Variants in DIP2C observed in about 807,000 individuals in gnomAD.
DIP2C encodes the protein disco-interacting protein 2 homolog C.
DIP2C carries 33 observed loss-of-function variants against 192.4 expected under a neutral mutation model. The observed-to-expected ratio is 0.17, with a 90% CI of 0.13 to 0.23. The LOEUF is 0.23. DIP2C is among the 10% of genes least tolerant of loss of function. The pLI, the probability that DIP2C is intolerant of heterozygous loss-of-function variation, is 1.00. For synonymous variants in DIP2C, 979 were observed against 864.1 expected, an observed-to-expected ratio of 1.13 and a Z score of -2.33; for missense variants, 1,537 against 2,110.1, an observed-to-expected ratio of 0.73 and a Z score of 5.32.
At chr10:600,070 G>A (rs1851956449) in intron 1 of DIP2C, among the ~76,000 whole-genome samples, 2 of 152,202 alleles carry the variant, frequency 1.3e-5, no homozygotes, top group Non-Finnish European at 2.9e-5. Flanking sequence ...GCTCCAGGCA[G>A]AGGGGAAAGA....
intron 17 of DIP2C, among the ~76,000 whole-genome samples, chr10:375,823 C>T (rs540219928): frequency 3.3e-5 from 5 of 152,226 alleles, no homozygotes; most frequent in South Asian, 4.2e-4. Flanking sequence ...GCTTCAGTGC[C>T]GCTCATCATT....
Position 689,551 on chromosome 10 carries a change from C to A in DIP2C, c.28G>T (p.Ala10Ser). The A allele has an allele frequency of 1.6e-6, 2 of 1,276,818 alleles. No homozygotes were observed. The highest frequency in any genetic ancestry group is 1.6e-5 in the South Asian group (1 of 61,236). 79.1% of individuals were successfully genotyped at this position (1,276,818 alleles called of 1,614,324 possible). A position where few individuals can be genotyped will look rare whatever the true frequency, so the allele number is the denominator to read the frequency against. Residue 10 changes from alanine (A) to serine (S), a missense_variant, in exon 1 of 37, where the codon GCG (alanine) becomes TCG (serine). Coordinates refer to ENST00000280886, the MANE Select transcript of DIP2C (RefSeq NM_014974.3). This position sits in a 1 kb window ranked among gnomAD's most constrained non-coding sequence, Gnocchi z 6.1. Reference protein sequence around the residue: MADRSLEGMALPLEVRARLA... With the variant: MADRSLEGMSLPLEVRARLA... The stretch of plus-strand genomic sequence containing the variant: ...CGCGCCCGCACCTCCAGGGGCAGCG[C>A]CATGCCCTCCAGGCTGCGGTCCGCC...
chr10:341,316 G>A lies in DIP2C; in HGVS notation c.3467C>T (p.Ala1156Val). 2 of 1,614,048 alleles carry A rather than the reference G, an allele frequency of 1.2e-6. No individual in the cohort carries two copies. The highest frequency in any genetic ancestry group is 1.7e-6 in the Non-Finnish European group (2 of 1,180,052). The stretch of plus-strand genomic sequence containing the variant: ...AATGGAACGGCAGAAGGCACTGGTG[G>A]CTGCGTGAGACATCTGCAAAATACA... Reference protein sequence around the residue: ...MLAGVKMSHAATSAFCRSIKL... With the variant: ...MLAGVKMSHAVTSAFCRSIKL... The change falls in exon 29 of 37, where the codon GCC becomes GTC. Residue 1156 changes from alanine (A) to valine (V), a missense_variant. Ala to Val is a moderately conservative substitution (Grantham distance 64, BLOSUM62 0). Coordinates refer to ENST00000280886, the MANE Select transcript of DIP2C (RefSeq NM_014974.3).
intron 18 of DIP2C, among the ~76,000 whole-genome samples, chr10:368,937 G>A (rs1406776474): frequency 1.3e-5 from 2 of 152,250 alleles, no homozygotes; most frequent in Admixed American, 1.3e-4. Flanking sequence ...GCTCCTGGGA[G>A]GTGCCTGGGC....
intron 1 of DIP2C, among the ~76,000 whole-genome samples, chr10:554,784 T>A (rs962735156): frequency 1.3e-5 from 2 of 152,158 alleles, no homozygotes; most frequent in African/African-American, 4.8e-5. Flanking sequence ...GAGTCCTTCA[T>A]CAAAAGGCAT....
intron 2 of DIP2C, among the ~76,000 whole-genome samples, chr10:480,508 C>A (rs1843526711): frequency 6.6e-6 from 1 of 152,272 alleles, no homozygotes; most frequent in Non-Finnish European, 1.5e-5. Flanking sequence ...CCAGTCCACG[C>A]TCCTTGGATG....
intron 1 of DIP2C, among the ~76,000 whole-genome samples, chr10:613,589 GT>G (rs1853241281): frequency 6.6e-6 from 1 of 152,204 alleles, no homozygotes; most frequent in East Asian, 1.9e-4. Flanking sequence ...AATTGTCACT[GT>G]TTCTAATTCA....
chr10:403,700 G>C (rs1194410349), intron 9 of DIP2C, among the ~76,000 whole-genome samples: 3 of 150,242 alleles, frequency 2.0e-5, no homozygotes, highest in Non-Finnish European at 4.4e-5. Context: ...ACGTGTGGTA[G>C]CATTAGCATT....
intron 31 of DIP2C, among the ~76,000 whole-genome samples, chr10:310,527 T>A (rs1034590121): frequency 1.3e-5 from 2 of 152,116 alleles, no homozygotes. Context: ...GTGATATGGA[T>A]GGACAGGCCA....
chr10:462,455 C>T (rs770132886), intron 3 of DIP2C, among the ~76,000 whole-genome samples: 3 of 152,042 alleles, frequency 2.0e-5, no homozygotes, highest in Non-Finnish European at 4.4e-5. Flanking sequence ...ACACATACAC[C>T]CTCTCAAGAC....
intron 1 of DIP2C, among the ~76,000 whole-genome samples, chr10:545,922 CGGTG>C (rs1554897103): frequency 6.6e-6 from 1 of 152,132 alleles, no homozygotes; most frequent in Non-Finnish European, 1.5e-5. Context: ...CGGTTTAAGC[CGGTG>C]GTTTTCAAAC....
intron 17 of DIP2C, among the ~76,000 whole-genome samples, chr10:375,100 A>C (rs1589645151): frequency 1.3e-5 from 2 of 152,366 alleles, no homozygotes; most frequent in East Asian, 3.9e-4. Context: ...AAAGGGAAAC[A>C]AAATAAAACT....
At chr10:326,345 C>T (rs1355951709) in intron 31 of DIP2C, among the ~76,000 whole-genome samples, 1 of 152,106 alleles carries the variant, frequency 6.6e-6, no homozygotes, top group Non-Finnish European at 1.5e-5. Flanking sequence ...GAGGCTCACC[C>T]AGCAGCAACC....
intron 1 of DIP2C, among the ~76,000 whole-genome samples, chr10:605,039 A>C (rs1852364512): frequency 6.6e-6 from 1 of 152,242 alleles, no homozygotes; most frequent in East Asian, 1.9e-4. Flanking sequence ...TAAAGCACCA[A>C]GGAGACCACT....
At chr10:580,824 A>T (rs558066598) in intron 1 of DIP2C, among the ~76,000 whole-genome samples, 1 of 152,350 alleles carries the variant, frequency 6.6e-6, no homozygotes, top group South Asian at 2.1e-4. Flanking sequence ...CACAGTGAGA[A>T]GGGCGCAACC....
chr10:286,465 T>G (rs1955137314), intron 33 of DIP2C, 118 bp from the exon 34 acceptor site: 1 of 933,490 alleles, frequency 1.1e-6, no homozygotes, highest in Admixed American at 2.0e-5. Context: ...AGAAAGCAAT[T>G]AAATCAAAAC....
At chr10:479,603 G>A in intron 2 of DIP2C, among the ~76,000 whole-genome samples, 1 of 152,050 alleles carries the variant, frequency 6.6e-6, no homozygotes. Context: ...CAAAGTGCTG[G>A]AATTATAGGC....
intron 4 of DIP2C, among the ~76,000 whole-genome samples, chr10:439,011 C>A (rs937012907): frequency 2.0e-5 from 3 of 152,040 alleles, no homozygotes; most frequent in Non-Finnish European, 4.4e-5. Context: ...TTGGTGGAGA[C>A]AAAATGTACA....
At chr10:576,632 G>A (rs74115066) in intron 1 of DIP2C, among the ~76,000 whole-genome samples, 12,669 of 152,252 alleles carry the variant, frequency 0.083, 845 homozygotes, top group African/African-American at 0.18. Context: ...GATCAGGCCA[G>A]GGATGGTGGC....
Sources: gnomAD v4.1 joint callset for allele counts (sites outside exome capture counted in the v4.1 genomes callset) on GRCh38, gnomAD v4.1.1 for gene constraint, Gnocchi (gnomAD v3.1) non-coding constraint, MANE v1.5 for transcripts, NCBI Gene and HGNC (gene_info 2026-07-23, HGNC 2026-07-21) for gene names.